The following CCDC170 variants were observed in gnomAD, a reference collection of about 807,000 sequenced individuals.
CCDC170 encodes coiled-coil domain containing 170.
A neutral mutation model predicts 72.6 loss-of-function variants in CCDC170; 69 were observed. That is an observed-to-expected ratio of 0.95 (90% CI 0.78 to 1.16). CCDC170 has a LOEUF of 1.16. Ranked by LOEUF, CCDC170 falls within the 50% of genes most tolerant of loss-of-function variation. CCDC170 has a pLI of 0.00. For missense variants in CCDC170, 852 were observed against 832.5 expected (o/e 1.02, Z -0.29); for synonymous variants, 300 against 303.9 (o/e 0.99, Z 0.13).
Position 151,548,231 on chromosome 6 carries a change from A to G in CCDC170, c.589-73A>G, listed in dbSNP as rs151036859. The G allele has an allele frequency of 1.8e-3, 2,324 of 1,310,076 alleles. 26 individuals carry two copies. In the East Asian group the frequency reaches 0.032, roughly 18 times the overall value. The allele number at this position is 1,310,076 out of a possible 1,614,324, so 81.2% of individuals were successfully genotyped here. On this transcript the variant is annotated intron_variant, in intron 4 of 10. Transcript: ENST00000239374. ...TTTTTCATATGATAATGCAGTCTATAGATGTGACTTGCTTAGAGAAAATGA... is the reference window on the plus strand; with the variant it reads ...TTTTTCATATGATAATGCAGTCTATGGATGTGACTTGCTTAGAGAAAATGA...
intron 6 of CCDC170, among the ~76,000 whole-genome samples, chr6:151,578,935 C>T (rs9479077): frequency 0.15 from 23,011 of 152,092 alleles, 2,151 homozygotes; most frequent in African/African-American, 0.27. Flanking sequence ...GAAATCAATG[C>T]ATAGTTGTCC....
At chr6:151,593,629 GGCTCATTTCA>G (rs1043013337) in intron 8 of CCDC170, among the ~76,000 whole-genome samples, 4 of 152,136 alleles carry the variant, frequency 2.6e-5, no homozygotes, top group African/African-American at 9.7e-5. Flanking sequence ...CAAGGAACCA[GGCTCATTTCA>G]GCTGATTCAC....
At chr6:151,583,461 G>A (rs535592799) in intron 6 of CCDC170, among the ~76,000 whole-genome samples, 16 of 151,738 alleles carry the variant, frequency 1.1e-4, no homozygotes, top group African/African-American at 2.7e-4. Context: ...GCGACTCTTC[G>A]CTTTTTTTTA....
At chr6:151,584,048 C>A (rs538098154) in intron 6 of CCDC170, among the ~76,000 whole-genome samples, 2 of 152,020 alleles carry the variant, frequency 1.3e-5, no homozygotes, top group Non-Finnish European at 2.9e-5. Context: ...CTAGTATTGC[C>A]GAAATGTGAC....
chr6:151,549,586 T>C (rs1290743585), intron 5 of CCDC170, among the ~76,000 whole-genome samples: 3 of 151,948 alleles, frequency 2.0e-5, no homozygotes, highest in Admixed American at 6.6e-5. Context: ...GTTAACAATT[T>C]CTTTCTTTAA....
chr6:151,559,012 C>CTTTTTTTTTTTTTTTTTTTTTTTTT (rs201171602), intron 5 of CCDC170, among the ~76,000 whole-genome samples: 1 of 125,710 alleles, frequency 8.0e-6, no homozygotes, highest in Non-Finnish European at 1.6e-5. Context: ...ATTAATTTAT[C>CTTTTTTTTTTTTTTTTTTTTTTTTT]TTTTTTTTTT....
chr6:151,585,627 C>T (rs1404233756), intron 6 of CCDC170, among the ~76,000 whole-genome samples: 1 of 151,964 alleles, frequency 6.6e-6, no homozygotes, highest in Admixed American at 6.6e-5. Flanking sequence ...AAATGTTATC[C>T]ATAAATTTTT....
chr6:151,553,932 G>A (rs9383924), intron 5 of CCDC170, among the ~76,000 whole-genome samples: 24,015 of 151,918 alleles, frequency 0.16, 2,368 homozygotes, highest in East Asian at 0.5. Flanking sequence ...TTATTAGTGA[G>A]GTCCAGAAGG....
At chr6:151,575,619 TC>T (rs1162072656) in intron 6 of CCDC170, among the ~76,000 whole-genome samples, 3 of 122,364 alleles carry the variant, frequency 2.5e-5, no homozygotes, top group Non-Finnish European at 4.8e-5. Flanking sequence ...AATCTCCGCC[TC>T]CCAGGTTCAA....
intron 3 of CCDC170, among the ~76,000 whole-genome samples, chr6:151,539,252 C>T (rs547472960): frequency 8.5e-4 from 100 of 117,294 alleles, no homozygotes; most frequent in South Asian, 2.9e-3. Context: ...CAAAGAGAGA[C>T]TCTGTCTCAA....
intron 1 of CCDC170, among the ~76,000 whole-genome samples, chr6:151,497,392 A>T (rs940289338): frequency 1.3e-5 from 2 of 152,222 alleles, no homozygotes; most frequent in African/African-American, 4.8e-5. Flanking sequence ...AAAATAAAAT[A>T]AAAATTAAAA....
chr6:151,544,494 G>A, intron 3 of CCDC170, 78 bp from the exon 4 acceptor site: 1 of 1,355,670 alleles, frequency 7.4e-7, no homozygotes, highest in Non-Finnish European at 1.0e-6. Context: ...CCCCCATAGA[G>A]CTTATATTCT....
chr6:151,511,504 T>C (rs1252567517), intron 1 of CCDC170, among the ~76,000 whole-genome samples: 1 of 152,184 alleles, frequency 6.6e-6, no homozygotes. Flanking sequence ...ATTTATGGGG[T>C]GTTCATTATG....
At chr6:151,556,903 G>C (rs1782987386) in intron 5 of CCDC170, among the ~76,000 whole-genome samples, 1 of 151,948 alleles carries the variant, frequency 6.6e-6, no homozygotes, top group African/African-American at 2.4e-5. Flanking sequence ...ACCCTTCCCA[G>C]CCTCTGGAAT....
intron 9 of CCDC170, among the ~76,000 whole-genome samples, chr6:151,599,947 T>C (rs936032044): frequency 1.3e-5 from 2 of 152,214 alleles, no homozygotes; most frequent in Admixed American, 1.3e-4. Flanking sequence ...TTGCCTTATT[T>C]TGAATAGACA....
At chr6:151,566,258 CCTT>C (rs1170587737) in intron 5 of CCDC170, among the ~76,000 whole-genome samples, 1 of 152,200 alleles carries the variant, frequency 6.6e-6, no homozygotes, top group African/African-American at 2.4e-5. Flanking sequence ...ACCTAATCCT[CCTT>C]CTACATGAGT....
rs56059050 is a variant in CCDC170 at position 151,573,862 on chromosome 6, C to T, written c.1092+371C>T. Among the ~76,000 whole-genome samples the T allele has an allele frequency of 1.8e-3, 275 of 152,350 alleles. 1 individual carries two copies. Among genetic ancestry groups the T allele is most frequent in the Non-Finnish European group, 2.9e-3 (196 of 68,028 alleles). On this transcript the variant is annotated intron_variant, in intron 6 of 10. Coordinates refer to ENST00000239374, the MANE Select transcript of CCDC170 (RefSeq NM_025059.4). ...CTCCCACCAGGTCCCTCCCACGACACGTGGGGATGATGGGAGCTACAATTC... is the reference window on the plus strand; with the variant it reads ...CTCCCACCAGGTCCCTCCCACGACATGTGGGGATGATGGGAGCTACAATTC...
intron 6 of CCDC170, among the ~76,000 whole-genome samples, chr6:151,582,134 T>A (rs1776386141): frequency 6.6e-6 from 1 of 152,264 alleles, no homozygotes; most frequent in African/African-American, 2.4e-5. Context: ...AGGCAGGCAT[T>A]GACTTCTCCT....
At chr6:151,598,230 C>T (rs112938985) in intron 9 of CCDC170, among the ~76,000 whole-genome samples, 8,726 of 152,130 alleles carry the variant, frequency 0.057, 307 homozygotes, top group South Asian at 0.096. Flanking sequence ...TTGAGACTGA[C>T]CTTTAGTGGG....
Sources: allele counts gnomAD v4.1 joint callset (sites outside exome capture counted in the v4.1 genomes callset), GRCh38; gene constraint gnomAD v4.1.1; transcripts MANE v1.5; gene names NCBI Gene and HGNC (gene_info 2026-07-23, HGNC 2026-07-21).